KCNU1: variants seen among roughly 807,000 people sequenced by gnomAD.
The protein encoded by KCNU1 is potassium channel subfamily U member 1.
In KCNU1, 93 loss-of-function variants were observed where a neutral mutation model predicts 126.8. The ratio of observed to expected loss-of-function variants is 0.73; its 90% CI spans 0.62 to 0.87. The LOEUF is 0.87. KCNU1 is among the 40% of genes least tolerant of loss of function. The pLI is 0.00. For synonymous variants in KCNU1, 523 were observed against 494.2 expected (o/e 1.06, Z -0.77); for missense variants, 1,330 against 1,367.1 (o/e 0.97, Z 0.43).
intron 16 of KCNU1, among the ~76,000 whole-genome samples, chr8:36,842,130 G>A (rs1554505999): frequency 9.2e-5 from 14 of 152,190 alleles, no homozygotes. Flanking sequence ...TGGCCCTGTG[G>A]CCGTGGATAA....
intron 2 of KCNU1, among the ~76,000 whole-genome samples, chr8:36,793,704 C>A (rs1462522056): frequency 6.6e-6 from 1 of 152,102 alleles, no homozygotes; most frequent in East Asian, 1.9e-4. Flanking sequence ...TGATCATAAA[C>A]ACAGATTTCT....
In KCNU1 at chr8:36,833,271, A is replaced by T. The variant is rs538906454; in HGVS notation, c.1107-283A>T. ...GCAGACTCATCAATTTCTCCTTCTA[A>T]TTTTTTTCATATTTGCTTCTTATAT... is the stretch of plus-strand genomic sequence containing the variant. On this transcript the variant is annotated intron_variant, in intron 10 of 26. Transcript: ENST00000399881. Among the ~76,000 whole-genome samples the T allele has an allele frequency of 1.7e-4, 26 of 151,974 alleles. 1 individual carries two copies. The highest frequency in any genetic ancestry group is 1.5e-3 in the Admixed American group (23 of 15,246).
At chr8:36,913,805 G>C (rs1191022144) in intron 22 of KCNU1, among the ~76,000 whole-genome samples, 1 of 152,030 alleles carries the variant, frequency 6.6e-6, no homozygotes, top group Admixed American at 6.6e-5. Context: ...GTTTCACCGT[G>C]TTAGCCAGGA....
intron 16 of KCNU1, 37 bp downstream of exon 16, chr8:36,841,040 T>TG (rs1196515528): frequency 8.0e-7 from 1 of 1,248,182 alleles, no homozygotes; most frequent in Non-Finnish European, 1.1e-6. Context: ...AGTTGTTTTT[T>TG]TTTTTTTTTT....
chr8:36,847,983 T>C (rs1200184726), intron 18 of KCNU1, among the ~76,000 whole-genome samples: 1 of 152,204 alleles, frequency 6.6e-6, no homozygotes, highest in African/African-American at 2.4e-5. Flanking sequence ...TGTTTTGTTT[T>C]GTTTTTTGTC....
At chr8:36,818,461 A>G (rs1210646779) in intron 10 of KCNU1, among the ~76,000 whole-genome samples, 1 of 152,006 alleles carries the variant, frequency 6.6e-6, no homozygotes, top group African/African-American at 2.4e-5. Context: ...TATATGTTAT[A>G]CATGTTTTTC....
intron 18 of KCNU1, among the ~76,000 whole-genome samples, chr8:36,860,928 A>T (rs377134253): frequency 2.7e-5 from 4 of 150,254 alleles, no homozygotes; most frequent in Admixed American, 6.6e-5. Flanking sequence ...TTTTTTTTAT[A>T]AACATTCCAG....
intron 9 of KCNU1, 91 bp downstream of exon 9, chr8:36,815,778 T>A: frequency 1.4e-6 from 1 of 730,452 alleles, no homozygotes; most frequent in Non-Finnish European, 2.3e-6. Context: ...GGCTTAGCTG[T>A]AGAACCCAAG....
At chr8:36,847,321 G>C (rs1207801563) in intron 18 of KCNU1, among the ~76,000 whole-genome samples, 1 of 152,038 alleles carries the variant, frequency 6.6e-6, no homozygotes, top group East Asian at 1.9e-4. Context: ...GGGGTAATTA[G>C]CATATCCATC....
At chr8:36,822,593 C>T (rs1292621696) in intron 10 of KCNU1, among the ~76,000 whole-genome samples, 1 of 152,112 alleles carries the variant, frequency 6.6e-6, no homozygotes, top group Non-Finnish European at 1.5e-5. Context: ...TTGAACAAAG[C>T]AGTATCTAAC....
intron 22 of KCNU1, 84 bp from the exon 23 acceptor site, chr8:36,918,739 C>A: frequency 1.2e-6 from 1 of 855,154 alleles, no homozygotes; most frequent in Non-Finnish European, 2.0e-6. Flanking sequence ...GATAAAGCAC[C>A]AAGTTACATT....
chr8:36,933,233 T>G (rs1808755445), intron 26 of KCNU1, among the ~76,000 whole-genome samples: 1 of 152,054 alleles, frequency 6.6e-6, no homozygotes, highest in Non-Finnish European at 1.5e-5. Flanking sequence ...CTATTAATAT[T>G]GGCTATATAA....
chr8:36,800,636 A>C lies in KCNU1; in HGVS notation c.316-3391A>C, dbSNP rs566982956. Among the ~76,000 whole-genome samples, 16 of 152,274 alleles carry C rather than the reference A, an allele frequency of 1.1e-4. 1 individual carries two copies. In the East Asian group the frequency reaches 3.1e-3, roughly 29 times the overall value. On this transcript the variant is annotated intron_variant, in intron 2 of 26. Transcript: ENST00000399881. ...CCATGGCTCAGGTAAAGGGCTTTCTACCTGTCTCTGAACAGCCAGCTCTTC... is the reference window on the plus strand; with the variant it reads ...CCATGGCTCAGGTAAAGGGCTTTCTCCCTGTCTCTGAACAGCCAGCTCTTC...
intron 10 of KCNU1, among the ~76,000 whole-genome samples, chr8:36,832,192 T>C (rs1370984849): frequency 6.6e-6 from 1 of 152,158 alleles, no homozygotes; most frequent in African/African-American, 2.4e-5. Flanking sequence ...AGTCAGGTAG[T>C]GTGATGCCTC....
chr8:36,928,175 T>C (rs1369617341), intron 24 of KCNU1, among the ~76,000 whole-genome samples: 1 of 152,074 alleles, frequency 6.6e-6, no homozygotes, highest in Non-Finnish European at 1.5e-5. Flanking sequence ...AATATAAAAT[T>C]ATAATCCTTT....
chr8:36,877,175 GC>G (rs1806305617), intron 19 of KCNU1, among the ~76,000 whole-genome samples: 1 of 152,186 alleles, frequency 6.6e-6, no homozygotes, highest in African/African-American at 2.4e-5. Context: ...ATCTGGGCTA[GC>G]AGTTGGGGTA....
intron 10 of KCNU1, among the ~76,000 whole-genome samples, chr8:36,831,577 A>G (rs574302166): frequency 1.3e-5 from 2 of 149,096 alleles, no homozygotes; most frequent in South Asian, 4.3e-4. Context: ...GTGTCTGTTC[A>G]TGTCCTTTGC....
chr8:36,788,852 T>C (rs1049010519), intron 2 of KCNU1, among the ~76,000 whole-genome samples: 3 of 152,068 alleles, frequency 2.0e-5, no homozygotes, highest in African/African-American at 7.2e-5. Flanking sequence ...GAATAATATA[T>C]TAAAGGTCAC....
At chr8:36,827,314 A>G (rs1254059968) in intron 10 of KCNU1, among the ~76,000 whole-genome samples, 2 of 152,140 alleles carry the variant, frequency 1.3e-5, no homozygotes, top group East Asian at 3.8e-4. Flanking sequence ...CTTTGCTTCT[A>G]TGCTTTTGTT....
Sources: allele counts gnomAD v4.1 joint callset (sites outside exome capture counted in the v4.1 genomes callset), GRCh38; gene constraint gnomAD v4.1.1; transcripts MANE v1.5; gene names NCBI Gene and HGNC (gene_info 2026-07-23, HGNC 2026-07-21).